SLC13A5: variants seen among roughly 807,000 people sequenced by gnomAD.
SLC13A5 encodes solute carrier family 13 member 5.
SLC13A5 carries 25 observed loss-of-function variants against 56.5 expected under a neutral mutation model. The ratio of observed to expected loss-of-function variants is 0.44; its 90% CI spans 0.32 to 0.62. The LOEUF (loss-of-function observed/expected upper bound fraction) is 0.62, where lower values mean the gene tolerates loss of function less well. Among genes scored for constraint, SLC13A5 ranks in the 20% least tolerant of loss-of-function variants. The probability of loss-of-function intolerance (pLI) is 0.04; values close to 1 mark genes in which losing one functional copy is unlikely to be tolerated. For synonymous variants in SLC13A5, 307 were observed against 301.5 expected, an observed-to-expected ratio of 1.02 and a Z score of -0.19; for missense variants, 649 against 737.8, an observed-to-expected ratio of 0.88 and a Z score of 1.39.
chr17:6,686,564 T>G (rs218690), intron 11 of SLC13A5: 2 of 512,594 alleles, frequency 3.9e-6, no homozygotes, highest in African/African-American at 3.8e-5. Context: ...TCTATGCCCG[T>G]GCGCATTTGG....
At chr17:6,700,876 G>A in intron 6 of SLC13A5, 128 bp downstream of exon 6, 1 of 1,371,236 alleles carries the variant, frequency 7.3e-7, no homozygotes, top group Non-Finnish European at 1.0e-6. Flanking sequence ...ACTAGCAGGA[G>A]ACAGGGCTGG....
At chr17:6,703,742 A>ATT in intron 4 of SLC13A5, 136 bp downstream of exon 4, 4 of 841,748 alleles carry the variant, frequency 4.8e-6, no homozygotes, top group Non-Finnish European at 5.2e-6. Flanking sequence ...AGTATTTTCT[A>ATT]TTTTTTTTTC....
chr17:6,707,851 C>G (rs1377936385), intron 1 of SLC13A5, among the ~76,000 whole-genome samples: 1 of 152,176 alleles, frequency 6.6e-6, no homozygotes, highest in Non-Finnish European at 1.5e-5. Flanking sequence ...GACTTCACCA[C>G]TATCCAATTC....
intron 6 of SLC13A5, among the ~76,000 whole-genome samples, chr17:6,700,529 C>T (rs570362248): frequency 4.6e-5 from 7 of 152,352 alleles, no homozygotes; most frequent in Non-Finnish European, 1.0e-4. Context: ...CCAGCAATGT[C>T]GAACTGGCAC....
chr17:6,692,223 G>GGATGGACA lies in SLC13A5; in HGVS notation c.1275+813_1275+820dup, dbSNP rs1204203369. On this transcript the variant is annotated intron_variant, in intron 9 of 11. Transcript: ENST00000433363. The surrounding 1 kb of genome is among the most constrained non-coding windows in gnomAD (Gnocchi z 5.5). The stretch of plus-strand genomic sequence containing the variant: ...TGGGTGGATAGATAGATGGGTGGAT[G>GGATGGACA]GATGGACAGATGGATGGATGGATGG... 6.8e-6 allele frequency among the ~76,000 whole-genome samples: 1 copy of GGATGGACA among 147,602 alleles called. No individual in the cohort carries two copies. The highest frequency in any genetic ancestry group is 2.6e-5 in the African/African-American group (1 of 39,120).
intron 6 of SLC13A5, among the ~76,000 whole-genome samples, chr17:6,699,084 TAAATA>T (rs377237327): frequency 0.11 from 12,749 of 114,614 alleles, 820 homozygotes; most frequent in East Asian, 0.37. Context: ...AATAAATAAA[TAAATA>T]AAATAAAATA....
intron 3 of SLC13A5, chr17:6,705,311 T>A (rs1400082249): frequency 1.3e-5 from 2 of 152,174 alleles, no homozygotes; most frequent in African/African-American, 4.8e-5. Flanking sequence ...GGACAGGCAG[T>A]GCCTTGGACA....
At chr17:6,688,115 C>T (rs1336050550) in intron 10 of SLC13A5, 1 of 153,302 alleles carries the variant, frequency 6.5e-6, no homozygotes, top group African/African-American at 2.4e-5. Flanking sequence ...TTGGTAGCCA[C>T]CTTTTAAATT....
chr17:6,694,149 G>GAAT lies in SLC13A5; in HGVS notation c.1101_1103dup (p.Leu367dup), dbSNP rs759345100. On this transcript the variant is annotated inframe_insertion, in exon 8 of 12. Transcript: ENST00000433363. The stretch of plus-strand genomic sequence containing the variant: ...ACTTGGGCTTCTGTGAAGGCACAAT[G>GAAT]AATAGCAGGGTGGCCACAAAGATGG... 3 of 1,613,740 alleles carry GAAT rather than the reference G, an allele frequency of 1.9e-6. No individual in the cohort carries two copies. Among genetic ancestry groups the GAAT allele is most frequent in the South Asian group, 2.2e-5 (2 of 90,964 alleles).
chr17:6,706,573 A>G (rs2078053418), intron 3 of SLC13A5, 69 bp downstream of exon 3: 14 of 1,575,316 alleles, frequency 8.9e-6, no homozygotes, highest in African/African-American at 1.3e-5. Flanking sequence ...GGTCTGTGCC[A>G]TCCTCCACCC....
At chr17:6,696,511 C>A (rs1265686925) in intron 6 of SLC13A5, among the ~76,000 whole-genome samples, 1 of 152,016 alleles carries the variant, frequency 6.6e-6, no homozygotes, top group Non-Finnish European at 1.5e-5. Context: ...AGGAAGACAG[C>A]CCAGGATGGC....
Position 6,687,160 on chromosome 17 carries a change from C to T in SLC13A5, c.1575+369G>A, listed in dbSNP as rs1381918800. ...CTCTGTGACTGTCATTAGCATCCCC[C>T]TGCTGCCTAAGCCTGCCCTGCCTAT... On this transcript the variant is annotated intron_variant, in intron 11 of 11. Transcript: ENST00000433363. The surrounding 1 kb of genome is among the most constrained non-coding windows in gnomAD (Gnocchi z 5.0). 1.6e-5 allele frequency: 4 copies of T among 243,440 alleles called. 1 individual carries two copies. 15.1% of individuals were successfully genotyped at this position (243,440 alleles called of 1,614,324 possible).
At chr17:6,693,280 T>C in intron 8 of SLC13A5, 118 bp from the exon 9 acceptor site, 1 of 674,014 alleles carries the variant, frequency 1.5e-6, no homozygotes, top group African/African-American at 1.8e-5. Flanking sequence ...GGAATAAAGC[T>C]AATAAGGACA....
intron 3 of SLC13A5, chr17:6,704,266 C>T (rs1973804429): frequency 2.9e-6 from 2 of 690,518 alleles, no homozygotes; most frequent in Non-Finnish European, 5.3e-6. Flanking sequence ...TCTCTCCCTC[C>T]TGCCTCTCCC....
In SLC13A5 at chr17:6,711,070, G is replaced by C. The variant is rs573808774; in HGVS notation, c.102+2162C>G. Among the ~76,000 whole-genome samples, 1 of 152,022 alleles carries C rather than the reference G, an allele frequency of 6.6e-6. No homozygotes were observed. Among genetic ancestry groups the C allele is most frequent in the African/African-American group, 2.4e-5 (1 of 41,376 alleles). On this transcript the variant is annotated intron_variant, in intron 1 of 11. Coordinates refer to ENST00000433363, the MANE Select transcript of SLC13A5 (RefSeq NM_177550.5). The surrounding 1 kb of genome is among the most constrained non-coding windows in gnomAD (Gnocchi z 4.0). The stretch of plus-strand genomic sequence containing the variant: ...AGGAAAACTGGAGACAGTCGGTGAG[G>C]AGAGAGGCCTGGGTGTTGGCAGAGG...
At chr17:6,704,083 C>A in intron 3 of SLC13A5, 27 bp from the exon 4 acceptor site, 1 of 1,594,062 alleles carries the variant, frequency 6.3e-7, no homozygotes, top group Non-Finnish European at 8.5e-7. Context: ...GGGAGGAAAG[C>A]CAGAGAATCC....
intron 3 of SLC13A5, 40 bp from the exon 4 acceptor site, chr17:6,704,096 A>T: frequency 6.3e-7 from 1 of 1,579,300 alleles, no homozygotes; most frequent in Non-Finnish European, 8.6e-7. Flanking sequence ...GAGAATCCCC[A>T]CCCCACCCCC....
chr17:6,701,625 G>A lies in SLC13A5; in HGVS notation c.717-499C>T, dbSNP rs565078506. Among the ~76,000 whole-genome samples the A allele has an allele frequency of 2.0e-5, 3 of 152,284 alleles. No individual in the cohort carries two copies. The highest frequency in any genetic ancestry group is 1.9e-4 in the East Asian group (1 of 5,166). On this transcript the variant is annotated intron_variant, in intron 5 of 11. Transcript: ENST00000433363. The surrounding 1 kb of genome is among the most constrained non-coding windows in gnomAD (Gnocchi z 4.1). ...ATAGGGAGGCTGAAGCGGGAGAATCGCTTGAACCCAGGAGGCAGAGGTTGC... is the reference window on the plus strand; with the variant it reads ...ATAGGGAGGCTGAAGCGGGAGAATCACTTGAACCCAGGAGGCAGAGGTTGC...
chr17:6,699,563 C>T (rs938254496), intron 6 of SLC13A5, among the ~76,000 whole-genome samples: 15 of 152,190 alleles, frequency 9.9e-5, no homozygotes, highest in Admixed American at 2.6e-4. Context: ...CTCTACCTCC[C>T]GGCTTCAAGC....
Sources: gnomAD v4.1 joint callset for allele counts (sites outside exome capture counted in the v4.1 genomes callset) on GRCh38, gnomAD v4.1.1 for gene constraint, Gnocchi (gnomAD v3.1) non-coding constraint, MANE v1.5 for transcripts, NCBI Gene and HGNC (gene_info 2026-07-23, HGNC 2026-07-21) for gene names.